Variants in DDX11 observed in about 807,000 individuals in gnomAD.
DDX11 encodes ATP-dependent DNA helicase DDX11.
DDX11 carries 72 observed loss-of-function variants against 125.2 expected under a neutral mutation model. That is an observed-to-expected ratio of 0.58 (90% CI 0.48 to 0.70). DDX11 has a LOEUF of 0.70. Among genes scored for constraint, DDX11 ranks in the 30% least tolerant of loss-of-function variants. The probability of loss-of-function intolerance (pLI) is 0.00; values close to 1 mark genes in which losing one functional copy is unlikely to be tolerated. For synonymous variants in DDX11, 347 were observed against 452.6 expected (o/e 0.77, Z 2.96); for missense variants, 883 against 1,165.0 (o/e 0.76, Z 3.52).
chr12:31,104,528 C>T lies in DDX11; in HGVS notation c.*692C>T, dbSNP rs1182341692. On this transcript the variant is annotated 3_prime_UTR_variant, in exon 27 of 27. Coordinates refer to ENST00000542838, the MANE Select transcript of DDX11 (RefSeq NM_030653.4). ...CCAACACCAGCAATTATGCCAAGGG[C>T]CGTTAGGCTCTCAACATGACTATAG... 5.7e-6 allele frequency: 1 copy of T among 175,194 alleles called. No individual in the cohort carries two copies. The highest frequency in any genetic ancestry group is 5.4e-5 in the Admixed American group (1 of 18,662). 10.9% of individuals were successfully genotyped at this position (175,194 alleles called of 1,614,324 possible). A position where few individuals can be genotyped will look rare whatever the true frequency, so the allele number is the denominator to read the frequency against.
chr12:31,076,319 C>T (rs1177629484), intron 1 of DDX11, among the ~76,000 whole-genome samples: 1 of 152,134 alleles, frequency 6.6e-6, no homozygotes, highest in African/African-American at 2.4e-5. Context: ...GAGTGAACCC[C>T]GTGGGTGTGT....
In DDX11 at chr12:31,104,129, C is replaced by A; in HGVS notation, c.*293C>A. The A allele has an allele frequency of 6.8e-7, 1 of 1,481,088 alleles. No individual in the cohort carries two copies. The highest frequency in any genetic ancestry group is 9.0e-7 in the Non-Finnish European group (1 of 1,115,882). 91.7% of individuals were successfully genotyped at this position (1,481,088 alleles called of 1,614,324 possible). On this transcript the variant is annotated 3_prime_UTR_variant, in exon 27 of 27. Coordinates refer to ENST00000542838, the MANE Select transcript of DDX11 (RefSeq NM_030653.4). ...TCCTGCATGGCTGAGAGCCAGGCTTCCTTCCTGGTCTCCGCAGGAGGCTGT... is the reference window on the plus strand; with the variant it reads ...TCCTGCATGGCTGAGAGCCAGGCTTACTTCCTGGTCTCCGCAGGAGGCTGT...
At chr12:31,089,277 C>G (rs773701487) in intron 7 of DDX11, 126 bp downstream of exon 7, 1 of 1,355,464 alleles carries the variant, frequency 7.4e-7, no homozygotes, top group South Asian at 1.2e-5. Context: ...GAGCAGCCCC[C>G]TCCCTGACCT....
rs1942861097 is a variant in DDX11 at position 31,085,146 on chromosome 12, A to C, written c.638+20A>C. 6.4e-7 allele frequency: 1 copy of C among 1,551,604 alleles called. No individual in the cohort carries two copies. Reference sequence around the variant, plus strand: ...GAGCAGGTGAGACAGAGGCGGTAGCACTACCCTGCCCCAGGCCAGGGGACA... The same window carrying C: ...GAGCAGGTGAGACAGAGGCGGTAGCCCTACCCTGCCCCAGGCCAGGGGACA... On this transcript the variant is annotated intron_variant, in intron 5 of 26. Transcript: ENST00000542838.
chr12:31,101,074 G>A lies in DDX11; in HGVS notation c.1996G>A (p.Gly666Arg), dbSNP rs1289927590. ...CATCCTGCCCCTCGTCATCTGCAGCGGGATCTCCAACCAGCCGCTGGAATT... is the reference window on the plus strand; with the variant it reads ...CATCCTGCCCCTCGTCATCTGCAGCAGGATCTCCAACCAGCCGCTGGAATT... ...DNILPLVICSGISNQPLEFTF... is the reference protein window; with the variant it reads ...DNILPLVICSRISNQPLEFTF... Residue 666 changes from glycine to arginine, a missense_variant, in exon 20 of 27, where the codon GGG becomes AGG. This residue lies in a region of DDX11 where 285 missense variants were observed against 346.0 expected (regional missense o/e 0.82). Transcript: ENST00000542838. The A allele has an allele frequency of 8.1e-6, 13 of 1,614,028 alleles. No individual in the cohort carries two copies. The highest frequency in any genetic ancestry group is 3.3e-5 in the South Asian group (3 of 91,088).
chr12:31,101,328 C>G (rs1308835414), intron 20 of DDX11, 198 bp downstream of exon 20: 2 of 615,916 alleles, frequency 3.2e-6, no homozygotes, highest in African/African-American at 1.8e-5. Flanking sequence ...CCGCCCCTCA[C>G]GCCTTAGGCT....
rs1445556011 is a variant in DDX11, at chr12:31,103,842, A to G, written c.*6A>G. ...AGAAGTCGGCCTCTTCCTGATGGGC[A>G]ACCACACCACTGCCTGGCGCCGTGC... is the stretch of plus-strand genomic sequence containing the variant. On this transcript the variant is annotated 3_prime_UTR_variant, in exon 27 of 27. Coordinates refer to ENST00000542838, the MANE Select transcript of DDX11 (RefSeq NM_030653.4). The G allele has an allele frequency of 1.2e-6, 2 of 1,613,824 alleles. No individual in the cohort carries two copies. The highest frequency in any genetic ancestry group is 1.7e-6 in the Non-Finnish European group (2 of 1,179,854).
Position 31,096,264 on chromosome 12 carries a change from G to T in DDX11, c.1483-77G>T, listed in dbSNP as rs1247006619. 4.1e-6 allele frequency: 6 copies of T among 1,468,322 alleles called. No homozygotes were observed. In the African/African-American group the frequency reaches 8.8e-5, roughly 21 times the overall value. 91.0% of individuals were successfully genotyped at this position (1,468,322 alleles called of 1,614,324 possible). On this transcript the variant is annotated intron_variant, in intron 14 of 26. Transcript: ENST00000542838. The stretch of plus-strand genomic sequence containing the variant: ...TTGTGCTGCCTGGGTGGTAGAAGTG[G>T]TGTTTTTTGTTTTGTTTTTAAGATT...
At chr12:31,077,477 A>G (rs1179813501) in intron 1 of DDX11, among the ~76,000 whole-genome samples, 1 of 151,962 alleles carries the variant, frequency 6.6e-6, no homozygotes, top group Non-Finnish European at 1.5e-5. Context: ...CAGAAAAGTT[A>G]GTAGGTGGTG....
intron 8 of DDX11, 37 bp downstream of exon 8, chr12:31,089,527 T>C (rs769804223): frequency 6.3e-7 from 1 of 1,592,562 alleles, no homozygotes; most frequent in Non-Finnish European, 8.6e-7. Context: ...GCAGGTGGTC[T>C]GGAGAGAGTG....
chr12:31,084,840 A>T (rs772903204), intron 4 of DDX11, 129 bp from the exon 5 acceptor site: 15 of 1,207,136 alleles, frequency 1.2e-5, no homozygotes, highest in Admixed American at 7.9e-5. Flanking sequence ...CTAGGAGTCG[A>T]CCTCTCTCCA....
chr12:31,089,783 C>G (rs1471505212), intron 8 of DDX11, 103 bp from the exon 9 acceptor site: 16 of 1,546,516 alleles, frequency 1.0e-5, no homozygotes, highest in Non-Finnish European at 1.4e-5. Flanking sequence ...CTTATAGACC[C>G]TACCCCATGG....
intron 5 of DDX11, among the ~76,000 whole-genome samples, chr12:31,086,547 G>A (rs1212469919): frequency 3.3e-5 from 5 of 152,072 alleles, no homozygotes; most frequent in Admixed American, 3.3e-4. Context: ...TAAACAGTTT[G>A]TGCTCCATGA....
At chr12:31,099,174 G>C (rs146813314) in intron 18 of DDX11, among the ~76,000 whole-genome samples, 1 of 141,628 alleles carries the variant, frequency 7.1e-6, no homozygotes, top group African/African-American at 2.7e-5. Context: ...TGCAACCTCT[G>C]CCTCCGGGGT....
In DDX11 at chr12:31,083,795, T is replaced by C. The variant is rs1565856395; in HGVS notation, c.145-18T>C. ...TTTGTTGTTTTCCTGTTTCTAAAGA[T>C]CATTTTTCTTCCTGCAGGGGAAGTC... On this transcript the variant is annotated intron_variant, in intron 2 of 26. Coordinates refer to ENST00000542838, the MANE Select transcript of DDX11 (RefSeq NM_030653.4). The C allele has an allele frequency of 1.2e-6, 2 of 1,611,692 alleles. No homozygotes were observed.
Position 31,096,497 on chromosome 12 carries a change from T to C in DDX11, c.1521+118T>C, listed in dbSNP as rs1945265860. The C allele has an allele frequency of 1.9e-5, 30 of 1,599,178 alleles. No homozygotes were observed. In the South Asian group the frequency reaches 3.2e-4, roughly 17 times the overall value. On this transcript the variant is annotated intron_variant, in intron 15 of 26. Transcript: ENST00000542838. ...TCCAGAGTCCCCTTCGTCTCCACTCTCCTTGGTGCAGTGGGCCTTGCTGGG... is the reference window on the plus strand; with the variant it reads ...TCCAGAGTCCCCTTCGTCTCCACTCCCCTTGGTGCAGTGGGCCTTGCTGGG...
intron 1 of DDX11, chr12:31,077,131 A>G (rs933797507): frequency 2.0e-5 from 3 of 151,688 alleles, no homozygotes; most frequent in Admixed American, 6.6e-5. Flanking sequence ...GGGACTTACT[A>G]ACATTTGTGC....
chr12:31,092,774 A>G (rs1944458353), intron 10 of DDX11, 72 bp from the exon 11 acceptor site: 1 of 1,485,294 alleles, frequency 6.7e-7, no homozygotes. Flanking sequence ...AGCATCTTCT[A>G]GGTGAATCTA....
At chr12:31,074,642 C>G (rs1453927436) in intron 1 of DDX11, among the ~76,000 whole-genome samples, 5 of 152,202 alleles carry the variant, frequency 3.3e-5, no homozygotes, top group African/African-American at 1.2e-4. Flanking sequence ...GACACAGGGC[C>G]AGAGCAAGGT....
Sources: gnomAD v4.1 joint callset for allele counts (sites outside exome capture counted in the v4.1 genomes callset) on GRCh38, gnomAD v4.1.1 for gene constraint, gnomAD v4.1.1 regional missense constraint, MANE v1.5 for transcripts, NCBI Gene and HGNC (gene_info 2026-07-23, HGNC 2026-07-21) for gene names.